The following GALNT10 variants were observed in gnomAD, a reference collection of about 807,000 sequenced individuals.
The protein encoded by GALNT10 is GalNAc transferase 10.
A neutral mutation model predicts 75.0 loss-of-function variants in GALNT10; 41 were observed. The ratio of observed to expected loss-of-function variants is 0.55; its 90% CI spans 0.43 to 0.71. GALNT10 has a LOEUF of 0.71. Ranked by LOEUF, GALNT10 falls within the 30% of genes least tolerant of loss-of-function variation. The pLI, the probability that GALNT10 is intolerant of heterozygous loss-of-function variation, is 0.00. For synonymous variants in GALNT10, 302 were observed against 313.0 expected (o/e 0.96, Z 0.37); for missense variants, 727 against 818.5 (o/e 0.89, Z 1.36).
chr5:154,294,584 C>T (rs184162534), intron 1 of GALNT10, among the ~76,000 whole-genome samples: 3 of 152,206 alleles, frequency 2.0e-5, no homozygotes, highest in Non-Finnish European at 4.4e-5. Context: ...TCTCCACCAC[C>T]GATTTGTGAG....
intron 4 of GALNT10, among the ~76,000 whole-genome samples, chr5:154,367,494 A>C (rs1363164878): frequency 6.6e-6 from 1 of 152,202 alleles, no homozygotes; most frequent in African/African-American, 2.4e-5. Flanking sequence ...GAGGGCACCC[A>C]AGCCAGCACC....
intron 1 of GALNT10, among the ~76,000 whole-genome samples, chr5:154,250,620 A>G (rs904699734): frequency 1.3e-5 from 2 of 152,150 alleles, no homozygotes; most frequent in Non-Finnish European, 2.9e-5. Context: ...TCCAGGATGG[A>G]TCACTGGACA....
At chr5:154,312,795 G>C (rs1754540821) in intron 3 of GALNT10, among the ~76,000 whole-genome samples, 1 of 152,148 alleles carries the variant, frequency 6.6e-6, no homozygotes, top group Non-Finnish European at 1.5e-5. Context: ...AGGAATGTTT[G>C]CCTGGCAGCT....
intron 6 of GALNT10, among the ~76,000 whole-genome samples, chr5:154,381,034 C>T (rs1755725900): frequency 1.3e-5 from 2 of 152,146 alleles, no homozygotes; most frequent in Admixed American, 6.5e-5. Flanking sequence ...AATTATTATC[C>T]ATGTTTTCCA....
At chr5:154,236,909 G>T (rs1310812494) in intron 1 of GALNT10, among the ~76,000 whole-genome samples, 1 of 152,170 alleles carries the variant, frequency 6.6e-6, no homozygotes, top group Non-Finnish European at 1.5e-5. Context: ...AGCTATCTTT[G>T]TGTCTCAGGC....
At chr5:154,217,728 A>C (rs6873324) in intron 1 of GALNT10, among the ~76,000 whole-genome samples, 56,777 of 152,132 alleles carry the variant, frequency 0.37, 12,518 homozygotes, top group East Asian at 0.84. Flanking sequence ...GCCCTGCAGT[A>C]AGGAAGGCCT....
intron 1 of GALNT10, among the ~76,000 whole-genome samples, chr5:154,213,157 A>C (rs571893614): frequency 1.2e-4 from 19 of 152,272 alleles, no homozygotes; most frequent in Non-Finnish European, 2.6e-4. Context: ...ATTAGGTGCT[A>C]TTGCTACTAT....
At chr5:154,280,131 G>C (rs1345394508) in intron 1 of GALNT10, among the ~76,000 whole-genome samples, 1 of 152,190 alleles carries the variant, frequency 6.6e-6, no homozygotes, top group Non-Finnish European at 1.5e-5. Context: ...ACTGGAGGTA[G>C]TTATGTTAAG....
intron 1 of GALNT10, among the ~76,000 whole-genome samples, chr5:154,291,703 A>G (rs1170227324): frequency 6.6e-6 from 1 of 152,232 alleles, no homozygotes; most frequent in Non-Finnish European, 1.5e-5. Flanking sequence ...ACTTCATGGA[A>G]CAAAATAACT....
rs147860320 is a variant in GALNT10 at position 154,306,161 on chromosome 5, C to T, written c.401+8082C>T. On this transcript the variant is annotated intron_variant, in intron 3 of 11. Coordinates refer to ENST00000297107, the MANE Select transcript of GALNT10 (RefSeq NM_198321.4). ...AAGGATATAGTAGACTCTCACAGCA[C>T]TGTCAACCAATATGACCTAATTGAC... is the stretch of plus-strand genomic sequence containing the variant. 7.8e-3 allele frequency among the ~76,000 whole-genome samples: 1,185 copies of T among 152,316 alleles called. 20 individuals are homozygous for T. Among genetic ancestry groups the T allele is most frequent in the African/African-American group, 0.027 (1,104 of 41,570 alleles).
chr5:154,379,457 C>T (rs1479165584), intron 5 of GALNT10, among the ~76,000 whole-genome samples: 1 of 152,270 alleles, frequency 6.6e-6, no homozygotes, highest in Non-Finnish European at 1.5e-5. Flanking sequence ...CAGCTGCTGG[C>T]TGCCCTGGCC....
chr5:154,371,232 C>T (rs1454606820), intron 4 of GALNT10, among the ~76,000 whole-genome samples: 1 of 152,168 alleles, frequency 6.6e-6, no homozygotes, highest in Non-Finnish European at 1.5e-5. Flanking sequence ...CCAGATTTCT[C>T]TCTTCTTAAA....
intron 4 of GALNT10, chr5:154,338,154 T>G: frequency 1.2e-6 from 1 of 820,598 alleles, no homozygotes; most frequent in Non-Finnish European, 2.1e-6. Context: ...GAATCGCCTC[T>G]TGAGACAGCT....
intron 4 of GALNT10, among the ~76,000 whole-genome samples, chr5:154,345,628 CTTTTTTT>C (rs751597207): frequency 2.9e-4 from 34 of 118,534 alleles, no homozygotes; most frequent in African/African-American, 4.4e-4. Flanking sequence ...AAATTTCCAC[CTTTTTTT>C]TTTTTTTTTT....
intron 1 of GALNT10, among the ~76,000 whole-genome samples, chr5:154,230,712 A>G (rs1753137514): frequency 6.6e-6 from 1 of 152,208 alleles, no homozygotes; most frequent in African/African-American, 2.4e-5. Flanking sequence ...AGAAGACACA[A>G]GTCAGATAGG....
intron 1 of GALNT10, among the ~76,000 whole-genome samples, chr5:154,243,710 G>A (rs530207137): frequency 5.9e-5 from 9 of 152,286 alleles, no homozygotes; most frequent in South Asian, 2.1e-4. Flanking sequence ...AGAGTAAACC[G>A]TTGATGAAAG....
intron 1 of GALNT10, among the ~76,000 whole-genome samples, chr5:154,203,983 G>A (rs1169794796): frequency 6.6e-6 from 1 of 152,232 alleles, no homozygotes; most frequent in Non-Finnish European, 1.5e-5. Flanking sequence ...AGAGTGCTGT[G>A]TTCCAATAAA....
chr5:154,208,315 A>T (rs1335795294), intron 1 of GALNT10, among the ~76,000 whole-genome samples: 1 of 152,142 alleles, frequency 6.6e-6, no homozygotes, highest in East Asian at 1.9e-4. Context: ...CTGAGAGCAC[A>T]GTGAAGGATT....
At chr5:154,200,851 G>A (rs1036868881) in intron 1 of GALNT10, among the ~76,000 whole-genome samples, 1 of 152,176 alleles carries the variant, frequency 6.6e-6, no homozygotes, top group African/African-American at 2.4e-5. Context: ...TACGTTTTGT[G>A]TGCCTTGAAC....
Sources: gnomAD v4.1 joint callset for allele counts (sites outside exome capture counted in the v4.1 genomes callset) on GRCh38, gnomAD v4.1.1 for gene constraint, MANE v1.5 for transcripts, NCBI Gene and HGNC (gene_info 2026-07-23, HGNC 2026-07-21) for gene names.